SHLD1: variants seen among roughly 807,000 people sequenced by gnomAD.
SHLD1 encodes shieldin complex subunit 1, also known as RINN1-REV7-interacting novel NHEJ regulator 3.
Under a neutral mutation model 5.5 loss-of-function variants are expected in SHLD1, and 3 were observed. The observed-to-expected ratio is 0.54, with a 90% CI of 0.25 to 1.40. The LOEUF (loss-of-function observed/expected upper bound fraction) is 1.40. Ranked by LOEUF, SHLD1 falls within the 40% of genes most tolerant of loss-of-function variation. The pLI is 0.15. For synonymous variants in SHLD1, 92 were observed against 94.3 expected (o/e 0.98, Z 0.14); for missense variants, 210 against 244.4 (o/e 0.86, Z 0.94).
chr20:5,841,722 T>G (rs237089), intron 2 of SHLD1, among the ~76,000 whole-genome samples: 65,207 of 151,816 alleles, frequency 0.43, 16,467 homozygotes, highest in African/African-American at 0.7. Flanking sequence ...TACATTTAAC[T>G]GCTTTCTTGA....
chr20:5,833,849 AAAG>A (rs1385471894), intron 2 of SHLD1, among the ~76,000 whole-genome samples: 1 of 152,164 alleles, frequency 6.6e-6, no homozygotes, highest in Non-Finnish European at 1.5e-5. Context: ...AGAAAAGAGA[AAAG>A]AAACATAATT....
intron 2 of SHLD1, among the ~76,000 whole-genome samples, chr20:5,784,644 G>T (rs1309701699): frequency 6.6e-6 from 1 of 151,964 alleles, no homozygotes; most frequent in Non-Finnish European, 1.5e-5. Context: ...TAGAGACGGG[G>T]TTTCACCGTG....
intron 1 of SHLD1, among the ~76,000 whole-genome samples, chr20:5,763,565 T>C (rs1294589906): frequency 6.6e-6 from 1 of 152,160 alleles, no homozygotes; most frequent in Non-Finnish European, 1.5e-5. Flanking sequence ...TTGACGATTC[T>C]CCTGCCTGTT....
chr20:5,803,549 G>C (rs928013993), intron 2 of SHLD1, among the ~76,000 whole-genome samples: 2 of 152,012 alleles, frequency 1.3e-5, no homozygotes, highest in Admixed American at 1.3e-4. Flanking sequence ...GGAGTCTCCA[G>C]AATTCTAGGC....
At chr20:5,844,799 A>ATTTTTTTTT (rs1161478171) in intron 2 of SHLD1, among the ~76,000 whole-genome samples, 1 of 71,692 alleles carries the variant, frequency 1.4e-5, no homozygotes, top group Non-Finnish European at 3.1e-5. Context: ...ATATATATAT[A>ATTTTTTTTT]TTTTTTTTTT....
At chr20:5,828,374 T>G (rs1049191255) in intron 2 of SHLD1, among the ~76,000 whole-genome samples, 3 of 152,224 alleles carry the variant, frequency 2.0e-5, no homozygotes, top group African/African-American at 7.2e-5. Flanking sequence ...TTGGTCATAA[T>G]ACATTATAAC....
chr20:5,832,883 C>A (rs1030337527), intron 2 of SHLD1, among the ~76,000 whole-genome samples: 1 of 151,808 alleles, frequency 6.6e-6, no homozygotes, highest in Non-Finnish European at 1.5e-5. Context: ...TATTTTAGAC[C>A]TTAAAATCCC....
chr20:5,780,270 A>G (rs530810452), intron 2 of SHLD1, among the ~76,000 whole-genome samples: 9 of 152,110 alleles, frequency 5.9e-5, no homozygotes, highest in Non-Finnish European at 1.2e-4. Flanking sequence ...GAGCCAGTGC[A>G]CCCGGCTTGA....
At chr20:5,805,709 T>C (rs2087364777) in intron 2 of SHLD1, among the ~76,000 whole-genome samples, 1 of 152,202 alleles carries the variant, frequency 6.6e-6, no homozygotes, top group South Asian at 2.1e-4. Flanking sequence ...CAAATGATTC[T>C]CATGCCTCAG....
intron 2 of SHLD1, among the ~76,000 whole-genome samples, chr20:5,828,643 A>G (rs974767586): frequency 2.0e-5 from 3 of 152,284 alleles, no homozygotes; most frequent in South Asian, 2.1e-4. Context: ...TTTTTCTGCA[A>G]TTCTTTTGCT....
chr20:5,802,600 C>T (rs2087309692), intron 2 of SHLD1, among the ~76,000 whole-genome samples: 1 of 152,168 alleles, frequency 6.6e-6, no homozygotes, highest in East Asian at 1.9e-4. Context: ...AAGCTATATC[C>T]ATGTCTTTTC....
rs540636329 is a variant in SHLD1 at position 5,768,247 on chromosome 20, T to G, written c.-4-4615T>G. Among the ~76,000 whole-genome samples, 7 of 152,328 alleles carry G rather than the reference T, an allele frequency of 4.6e-5. No individual in the cohort carries two copies. The South Asian group carries it at 1.4e-3, about 32-fold the overall frequency. On this transcript the variant is annotated intron_variant, in intron 1 of 2. Transcript: ENST00000303142. ...CCTTGGCCTCCCAAAGTGCTGGGAT[T>G]ACAGCACTTGAGCCACAACGCCCAG...
rs193276158 is a variant in SHLD1, at chr20:5,826,766, T to C, written c.179-36258T>C. 8.9e-4 allele frequency among the ~76,000 whole-genome samples: 136 copies of C among 152,296 alleles called. 1 individual carries two copies. Among genetic ancestry groups the C allele is most frequent in the African/African-American group, 3.2e-3 (132 of 41,556 alleles). On this transcript the variant is annotated intron_variant, in intron 2 of 2. Transcript: ENST00000303142. ...GCCTCTCTGTGCCTCAGTTTCCTCA[T>C]CTGTTAAATACGATGCCTCATACAG...
intron 2 of SHLD1, among the ~76,000 whole-genome samples, chr20:5,837,673 C>T (rs1284885386): frequency 2.0e-5 from 3 of 152,180 alleles, no homozygotes; most frequent in Non-Finnish European, 2.9e-5. Context: ...GCACTGACTC[C>T]CCAAAACTTT....
chr20:5,779,972 G>GTTTTTTTTTTTTTTTT (rs11381238), intron 2 of SHLD1, among the ~76,000 whole-genome samples: 1 of 81,786 alleles, frequency 1.2e-5, no homozygotes, highest in African/African-American at 4.9e-5. Flanking sequence ...TACAATTTCT[G>GTTTTTTTTTTTTTTTT]TTTTTTTTTT....
At chr20:5,857,802 C>A (rs1160880295) in intron 2 of SHLD1, among the ~76,000 whole-genome samples, 1 of 151,238 alleles carries the variant, frequency 6.6e-6, no homozygotes, top group East Asian at 2.0e-4. Flanking sequence ...CAGAGCAAAA[C>A]CCTGTCTAAA....
At chr20:5,789,576 T>TAA (rs58405557) in intron 2 of SHLD1, among the ~76,000 whole-genome samples, 4 of 113,348 alleles carry the variant, frequency 3.5e-5, no homozygotes, top group Admixed American at 9.2e-5. Flanking sequence ...AAACTTGATC[T>TAA]AAAAAAAAAA....
chr20:5,841,711 G>A (rs1409346490), intron 2 of SHLD1, among the ~76,000 whole-genome samples: 3 of 152,200 alleles, frequency 2.0e-5, no homozygotes, highest in African/African-American at 7.2e-5. Context: ...TTGACTAAAA[G>A]TACATTTAAC....
Position 5,814,495 on chromosome 20 carries a change from G to A in SHLD1, c.178+41452G>A, listed in dbSNP as rs554239474. Among the ~76,000 whole-genome samples, 5 of 152,146 alleles carry A rather than the reference G, an allele frequency of 3.3e-5. No homozygotes were observed. In the South Asian group the frequency reaches 8.3e-4, roughly 25 times the overall value. On this transcript the variant is annotated intron_variant, in intron 2 of 2. Transcript: ENST00000303142. ...AGAATTTAAAATTCTTCTGAGCACA[G>A]TCCCTATAGAATTGAATTAATTCTT...
Sources: gnomAD v4.1 joint callset for allele counts (sites outside exome capture counted in the v4.1 genomes callset) on GRCh38, gnomAD v4.1.1 for gene constraint, MANE v1.5 for transcripts, NCBI Gene and HGNC (gene_info 2026-07-23, HGNC 2026-07-21) for gene names.